The following RASA2 variants were observed in gnomAD, a reference collection of about 807,000 sequenced individuals.
RASA2 encodes RAS p21 protein activator 2.
In RASA2, 155 loss-of-function variants were observed where a neutral mutation model predicts 118.2. The ratio of observed to expected loss-of-function variants is 1.31; its 90% CI spans 1.15 to 1.50. The LOEUF (loss-of-function observed/expected upper bound fraction) is 1.50, where lower values mean the gene tolerates loss of function less well. RASA2 is among the 40% of genes most tolerant of loss of function. RASA2 has a pLI of 0.00. For synonymous variants in RASA2, 353 were observed against 349.1 expected, an observed-to-expected ratio of 1.01 and a Z score of -0.12; for missense variants, 1,016 against 1,009.6, an observed-to-expected ratio of 1.01 and a Z score of -0.09.
Position 141,487,176 on chromosome 3 carries a change from TCG to T in RASA2, c.96_97del (p.Glu33GlyfsTer13). On this transcript the variant is annotated frameshift_variant, in exon 1 of 24. Transcript: ENST00000286364. LOFTEE classifies it high-confidence loss of function. ...AEPEAGDQDS[R>X]EVRVLQSLRG... The stretch of plus-strand genomic sequence containing the variant: ...AGCCCGAGGCCGGGGACCAGGACAG[TCG>T]CGAGGTTCGAGTGTTGCAGAGCCTG... 1 of 1,463,966 alleles carries T rather than the reference TCG, an allele frequency of 6.8e-7. No individual in the cohort carries two copies. The highest frequency in any genetic ancestry group is 2.2e-5 in the Admixed American group (1 of 45,228). The allele number at this position is 1,463,966 out of a possible 1,614,324, so 90.7% of individuals were successfully genotyped here. A position where few individuals can be genotyped will look rare whatever the true frequency, so the allele number is the denominator to read the frequency against.
rs138125524 is a variant in RASA2, at chr3:141,589,829, A to G, written c.1933+3077A>G. Among the ~76,000 whole-genome samples, 218 of 151,338 alleles carry G rather than the reference A, an allele frequency of 1.4e-3. 7 individuals are homozygous for G. The East Asian group carries it at 0.024, about 17-fold the overall frequency. ...GCATTCCAGCCTGGGTAACAGAATG[A>G]GGCTCTGTCTCCAAAAAAAAAAGAA... On this transcript the variant is annotated intron_variant, in intron 19 of 23. Transcript: ENST00000286364.
chr3:141,599,958 A>AT (rs2083438540), intron 19 of RASA2, among the ~76,000 whole-genome samples: 1 of 152,192 alleles, frequency 6.6e-6, no homozygotes, highest in East Asian at 1.9e-4. Context: ...TCACTTGCAG[A>AT]ACTGTTTCAG....
At chr3:141,540,274 T>C (rs1392047220) in intron 4 of RASA2, among the ~76,000 whole-genome samples, 1 of 152,200 alleles carries the variant, frequency 6.6e-6, no homozygotes, top group African/African-American at 2.4e-5. Context: ...TCTGTGATAA[T>C]TAGATATATA....
chr3:141,604,459 G>A (rs1284276156), intron 19 of RASA2, among the ~76,000 whole-genome samples: 1 of 152,090 alleles, frequency 6.6e-6, no homozygotes, highest in African/African-American at 2.4e-5. Flanking sequence ...TTCAAGCTGG[G>A]AAAGAACATT....
chr3:141,543,400 A>G (rs2082433903), intron 5 of RASA2, among the ~76,000 whole-genome samples: 2 of 152,186 alleles, frequency 1.3e-5, no homozygotes, highest in African/African-American at 2.4e-5. Context: ...CACATCAAAC[A>G]ATGTTATAAT....
chr3:141,548,895 A>G (rs532176930), intron 5 of RASA2, among the ~76,000 whole-genome samples: 8 of 152,110 alleles, frequency 5.3e-5, no homozygotes, highest in African/African-American at 1.9e-4. Context: ...CATCATTCTT[A>G]TTTATCTGGA....
At chr3:141,490,796 T>C (rs2081631188) in intron 1 of RASA2, among the ~76,000 whole-genome samples, 1 of 152,192 alleles carries the variant, frequency 6.6e-6, no homozygotes, top group Admixed American at 6.5e-5. Flanking sequence ...TTTCCAACTT[T>C]TGTTAATGTC....
At chr3:141,567,662 C>A (rs899113059) in intron 9 of RASA2, among the ~76,000 whole-genome samples, 9 of 152,244 alleles carry the variant, frequency 5.9e-5, no homozygotes, top group African/African-American at 2.2e-4. Flanking sequence ...GAAAATCCCT[C>A]CCTTTACTGT....
intron 13 of RASA2, among the ~76,000 whole-genome samples, 196 bp downstream of exon 13, chr3:141,573,417 A>G (rs58287573): frequency 1.3e-5 from 2 of 152,064 alleles, no homozygotes; most frequent in Non-Finnish European, 2.9e-5. Context: ...GTTTCACTTT[A>G]TTTTTGTTCT....
At chr3:141,565,824 C>G (rs1182862359) in intron 9 of RASA2, among the ~76,000 whole-genome samples, 1 of 152,196 alleles carries the variant, frequency 6.6e-6, no homozygotes, top group Non-Finnish European at 1.5e-5. Context: ...AGGCTTGTTT[C>G]TAATTATTTC....
chr3:141,605,801 C>A (rs1423707659), intron 19 of RASA2, among the ~76,000 whole-genome samples: 1 of 151,244 alleles, frequency 6.6e-6, no homozygotes, highest in Non-Finnish European at 1.5e-5. Context: ...TTTTGCAGTC[C>A]ATTTACCTAC....
At chr3:141,551,550 G>A (rs2082575437) in intron 5 of RASA2, among the ~76,000 whole-genome samples, 1 of 152,126 alleles carries the variant, frequency 6.6e-6, no homozygotes, top group Non-Finnish European at 1.5e-5. Context: ...ACTCTGCCCT[G>A]GGGTCCCTAG....
chr3:141,587,670 T>G (rs975071144), intron 19 of RASA2, among the ~76,000 whole-genome samples: 1 of 143,124 alleles, frequency 7.0e-6, no homozygotes, highest in African/African-American at 2.7e-5. Flanking sequence ...GCTGAGATCT[T>G]GCCACTGCAC....
rs2083678418 is a variant in RASA2 at position 141,613,186 on chromosome 3, A to G, written c.*873A>G. Reference sequence around the variant, plus strand: ...TGTTGTAATAAGGGCCACCATAAGGATGCCCTCCTCATAGTGTTCGGTTCT... The same window carrying G: ...TGTTGTAATAAGGGCCACCATAAGGGTGCCCTCCTCATAGTGTTCGGTTCT... On this transcript the variant is annotated 3_prime_UTR_variant, in exon 24 of 24. Coordinates refer to ENST00000286364, the MANE Select transcript of RASA2 (RefSeq NM_006506.5). 1 of 152,190 alleles carries G rather than the reference A, an allele frequency of 6.6e-6. No homozygotes were observed. Among genetic ancestry groups the G allele is most frequent in the Non-Finnish European group, 1.5e-5 (1 of 68,022 alleles). The allele number at this position is 152,190 out of a possible 1,614,324, so 9.4% of individuals were successfully genotyped here.
intron 1 of RASA2, among the ~76,000 whole-genome samples, chr3:141,511,689 G>A (rs190539852): frequency 7.2e-5 from 11 of 152,210 alleles, no homozygotes; most frequent in Non-Finnish European, 1.3e-4. Context: ...TGAATGGAAG[G>A]TAAGAAGAGA....
chr3:141,514,378 A>G (rs531205343), intron 2 of RASA2, among the ~76,000 whole-genome samples: 27 of 152,362 alleles, frequency 1.8e-4, no homozygotes, highest in Non-Finnish European at 2.6e-4. Flanking sequence ...ATCTGCAGTG[A>G]TAGAAATCAT....
At chr3:141,547,996 G>T (rs1377984473) in intron 5 of RASA2, among the ~76,000 whole-genome samples, 1 of 152,154 alleles carries the variant, frequency 6.6e-6, no homozygotes, top group Non-Finnish European at 1.5e-5. Flanking sequence ...TGATTAATTT[G>T]CACATATTGA....
intron 5 of RASA2, among the ~76,000 whole-genome samples, chr3:141,548,020 C>T (rs926522950): frequency 6.6e-6 from 1 of 152,184 alleles, no homozygotes; most frequent in Non-Finnish European, 1.5e-5. Flanking sequence ...ATCCTTGCAT[C>T]CCTGAGACAA....
chr3:141,488,231 A>G (rs1252428542), intron 1 of RASA2, among the ~76,000 whole-genome samples: 1 of 152,156 alleles, frequency 6.6e-6, no homozygotes, highest in Non-Finnish European at 1.5e-5. Flanking sequence ...AAGAGAGATC[A>G]ATAACATTTA....
Sources: gnomAD v4.1 joint callset for allele counts (sites outside exome capture counted in the v4.1 genomes callset) on GRCh38, gnomAD v4.1.1 for gene constraint, MANE v1.5 for transcripts, NCBI Gene and HGNC (gene_info 2026-07-23, HGNC 2026-07-21) for gene names.